Variants in PNPO observed in about 807,000 individuals in gnomAD.
PNPO encodes the protein pyridoxine-5'-phosphate oxidase.
PNPO carries 39 observed loss-of-function variants against 35.0 expected under a neutral mutation model. The observed-to-expected ratio is 1.11, with a 90% CI of 0.86 to 1.45. PNPO has a LOEUF of 1.45. Ranked by LOEUF, PNPO falls within the 40% of genes most tolerant of loss-of-function variation. The pLI, the probability that PNPO is intolerant of heterozygous loss-of-function variation, is 0.00. For synonymous variants in PNPO, 115 were observed against 119.8 expected, an observed-to-expected ratio of 0.96 and a Z score of 0.26; for missense variants, 288 against 340.0, an observed-to-expected ratio of 0.85 and a Z score of 1.20.
Position 47,941,646 on chromosome 17 carries a change from A to C in PNPO, c.-30A>C, listed in dbSNP as rs776410732. 3 of 1,515,780 alleles carry C rather than the reference A, an allele frequency of 2.0e-6. No homozygotes were observed. Among genetic ancestry groups the C allele is most frequent in the South Asian group, 1.2e-5 (1 of 82,366 alleles). The allele number at this position is 1,515,780 out of a possible 1,614,324, so 93.9% of individuals were successfully genotyped here. On this transcript the variant is annotated 5_prime_UTR_variant, in exon 1 of 7. Coordinates refer to ENST00000642017, the MANE Select transcript of PNPO (RefSeq NM_018129.4). The stretch of plus-strand genomic sequence containing the variant: ...ACTCAAAGGAACCCAGTGCCGGGCC[A>C]CAGCCGGGTCACGTGGCCGGCGGCC...
In PNPO at chr17:47,946,863, C is replaced by A. The variant is rs2036018177; in HGVS notation, c.*81C>A. Reference sequence around the variant, plus strand: ...GGGATTGGGACCCAGGCCCTTCTTTCTAAACTCAACCCATTTCCCTCCCTA... The same window carrying A: ...GGGATTGGGACCCAGGCCCTTCTTTATAAACTCAACCCATTTCCCTCCCTA... On this transcript the variant is annotated 3_prime_UTR_variant, in exon 7 of 7. Transcript: ENST00000642017. The A allele has an allele frequency of 7.5e-7, 1 of 1,331,154 alleles. No individual in the cohort carries two copies. Among genetic ancestry groups the A allele is most frequent in the East Asian group, 2.3e-5 (1 of 43,550 alleles). 82.5% of individuals were successfully genotyped at this position (1,331,154 alleles called of 1,614,324 possible).
Position 47,946,314 on chromosome 17 carries a change from C to T in PNPO, c.547-9C>T, listed in dbSNP as rs2036007995. ...CCTGGCCCTTCTTCTAACTCTTCCC[C>T]CTGGACAGTATCTGAGAAAGAAAAA... is the stretch of plus-strand genomic sequence containing the variant. On this transcript the variant is annotated splice_polypyrimidine_tract_variant and intron_variant, in intron 5 of 6. Transcript: ENST00000642017. 1 of 1,605,538 alleles carries T rather than the reference C, an allele frequency of 6.2e-7. No homozygotes were observed. The highest frequency in any genetic ancestry group is 2.2e-5 in the East Asian group (1 of 44,862).
In PNPO at chr17:47,943,302, C is replaced by G. The variant is rs766668907; in HGVS notation, c.139-4C>G. 52 of 1,611,696 alleles carry G rather than the reference C, an allele frequency of 3.2e-5. No individual in the cohort carries two copies. The highest frequency in any genetic ancestry group is 4.2e-5 in the Non-Finnish European group (50 of 1,178,142). On this transcript the variant is annotated splice_region_variant and splice_polypyrimidine_tract_variant and intron_variant, in intron 1 of 6. Transcript: ENST00000642017. ...TATTAAATGAAATAAATCTCCTTTC[C>G]TAGGCATTTGAGGAGACTCATCTGA...
chr17:47,946,522 CTT>C, intron 6 of PNPO, 90 bp from the exon 7 acceptor site: 1 of 1,478,244 alleles, frequency 6.8e-7, no homozygotes, highest in Non-Finnish European at 9.5e-7. Context: ...CAGCAACTTC[CTT>C]CAAGAGGCCC....
rs1319252963 is a variant in PNPO, at chr17:47,948,289, A to G, written c.*1507A>G. ...TTATAGAGATTATGTTTTTCAGACTACTCACGTATCTGCTTTTCTTACTCC... is the reference window on the plus strand; with the variant it reads ...TTATAGAGATTATGTTTTTCAGACTGCTCACGTATCTGCTTTTCTTACTCC... On this transcript the variant is annotated 3_prime_UTR_variant, in exon 7 of 7. Transcript: ENST00000642017. 1 of 152,056 alleles carries G rather than the reference A, an allele frequency of 6.6e-6. No homozygotes were observed. Among genetic ancestry groups the G allele is most frequent in the Non-Finnish European group, 1.5e-5 (1 of 68,016 alleles). 9.4% of individuals were successfully genotyped at this position (152,056 alleles called of 1,614,324 possible).
At chr17:47,942,158 G>T (rs931443131) in intron 1 of PNPO, 4 of 552,226 alleles carry the variant, frequency 7.2e-6, no homozygotes, top group Non-Finnish European at 9.9e-6. Flanking sequence ...GGGATGTTAT[G>T]GTCTAAGATG....
intron 1 of PNPO, among the ~76,000 whole-genome samples, chr17:47,942,328 A>T (rs746090465): frequency 8.6e-5 from 13 of 151,088 alleles, no homozygotes; most frequent in Middle Eastern, 3.4e-3. Flanking sequence ...CCTCGGAGTC[A>T]TCTACTGGGG....
In PNPO at chr17:47,948,295, G is replaced by C. The variant is rs776945316; in HGVS notation, c.*1513G>C. On this transcript the variant is annotated 3_prime_UTR_variant, in exon 7 of 7. Transcript: ENST00000642017. ...AGATTATGTTTTTCAGACTACTCAC[G>C]TATCTGCTTTTCTTACTCCCCACCT... The C allele has an allele frequency of 6.6e-6, 1 of 152,074 alleles. No individual in the cohort carries two copies. Among genetic ancestry groups the C allele is most frequent in the African/African-American group, 2.4e-5 (1 of 41,388 alleles). 9.4% of individuals were successfully genotyped at this position (152,074 alleles called of 1,614,324 possible). A position where few individuals can be genotyped will look rare whatever the true frequency, so the allele number is the denominator to read the frequency against.
chr17:47,946,593 A>G, intron 6 of PNPO, 21 bp from the exon 7 acceptor site: 1 of 1,613,776 alleles, frequency 6.2e-7, no homozygotes, highest in Non-Finnish European at 8.5e-7. Context: ...AGAGCACTGA[A>G]ACCTCTGCTT....
At chr17:47,942,945 T>A (rs572357550) in intron 1 of PNPO, among the ~76,000 whole-genome samples, 100 of 152,192 alleles carry the variant, frequency 6.6e-4, no homozygotes, top group African/African-American at 2.3e-3. Context: ...AATAAATAAA[T>A]AAAAATGCAG....
intron 1 of PNPO, 28 bp downstream of exon 1, chr17:47,941,841 C>A: frequency 6.5e-7 from 1 of 1,544,788 alleles, no homozygotes; most frequent in Non-Finnish European, 8.8e-7. Context: ...AGGCCTCCTG[C>A]AGGGGCGGGG....
At position 47,946,830 on chromosome 17, in the gene PNPO, G is replaced by T; in HGVS notation, c.*48G>T. The T allele has an allele frequency of 6.3e-7, 1 of 1,581,198 alleles. No homozygotes were observed. The highest frequency in any genetic ancestry group is 8.7e-7 in the Non-Finnish European group (1 of 1,153,140). On this transcript the variant is annotated 3_prime_UTR_variant, in exon 7 of 7. Transcript: ENST00000642017. ...GTGGAGCTAGGGCTAGGTGTCAAGA[G>T]AGGGTGTGGGATTGGGACCCAGGCC...
In PNPO at chr17:47,945,192, AG is replaced by A; in HGVS notation, c.364-366del. 1 of 388,352 alleles carries A rather than the reference AG, an allele frequency of 2.6e-6. No homozygotes were observed. The highest frequency in any genetic ancestry group is 2.2e-5 in the South Asian group (1 of 46,092). The allele number at this position is 388,352 out of a possible 1,614,324, so 24.1% of individuals were successfully genotyped here. A position where few individuals can be genotyped will look rare whatever the true frequency, so the allele number is the denominator to read the frequency against. ...CCGCACGTCTCCTGTTGTCAGACCCAGAGTGGGCACTTCGCGTGCATTCAAT... is the reference window on the plus strand; with the variant it reads ...CCGCACGTCTCCTGTTGTCAGACCCAAGTGGGCACTTCGCGTGCATTCAAT... On this transcript the variant is annotated intron_variant, in intron 3 of 6. Transcript: ENST00000642017. This position sits in a 1 kb window ranked among gnomAD's most constrained non-coding sequence, Gnocchi z 4.0.
At position 47,947,073 on chromosome 17, in the gene PNPO, C is replaced by T. The variant is rs1473254934; in HGVS notation, c.*291C>T. ...GATAGCTCCCTCTAGGGGTAGCAGC[C>T]GGTGTGACTCCCTTTCTGGTGACAG... On this transcript the variant is annotated 3_prime_UTR_variant, in exon 7 of 7. Transcript: ENST00000642017. 1.3e-5 allele frequency: 5 copies of T among 394,712 alleles called. No homozygotes were observed. The highest frequency in any genetic ancestry group is 8.2e-5 in the African/African-American group (4 of 49,000). 24.5% of individuals were successfully genotyped at this position (394,712 alleles called of 1,614,324 possible).
rs1467737440 is a variant in PNPO at position 47,947,355 on chromosome 17, CAGG to C, written c.*574_*576del. ...TCTCCTTCCCTGGATCCCTCCCTCC[CAGG>C]TCTGGGCTGTGCAGTTCCTCCCCCT... On this transcript the variant is annotated 3_prime_UTR_variant, in exon 7 of 7. Transcript: ENST00000642017. 1 of 157,612 alleles carries C rather than the reference CAGG, an allele frequency of 6.3e-6. No individual in the cohort carries two copies. Among genetic ancestry groups the C allele is most frequent in the Non-Finnish European group, 1.4e-5 (1 of 71,012 alleles). 9.8% of individuals were successfully genotyped at this position (157,612 alleles called of 1,614,324 possible).
At position 47,944,653 on chromosome 17, in the gene PNPO, G is replaced by A. The variant is rs771479988; in HGVS notation, c.301G>A (p.Gly101Ser). 1.3e-5 allele frequency: 21 copies of A among 1,614,158 alleles called. No homozygotes were observed. Among genetic ancestry groups the A allele is most frequent in the Non-Finnish European group, 1.7e-5 (20 of 1,180,018 alleles). The change falls in exon 3 of 7, where the codon GGC becomes AGC. Residue 101 changes from glycine to serine, a missense_variant. Transcript: ENST00000642017. ...CTCTGCTCGCATGTTGCTGCTGAAG[G>A]GCTTCGGGAAAGATGGCTTCCGCTT... ...KPSARMLLLK[G>S]FGKDGFRFFT... is the part of the protein sequence containing the mutation.
In PNPO at chr17:47,946,827, A is replaced by G; in HGVS notation, c.*45A>G. 1 of 1,590,436 alleles carries G rather than the reference A, an allele frequency of 6.3e-7. No individual in the cohort carries two copies. Among genetic ancestry groups the G allele is most frequent in the Non-Finnish European group, 8.6e-7 (1 of 1,160,806 alleles). On this transcript the variant is annotated 3_prime_UTR_variant, in exon 7 of 7. Coordinates refer to ENST00000642017, the MANE Select transcript of PNPO (RefSeq NM_018129.4). ...AGAGTGGAGCTAGGGCTAGGTGTCA[A>G]GAGAGGGTGTGGGATTGGGACCCAG...
rs181553384 is a variant in PNPO, at chr17:47,947,809, G to A, written c.*1027G>A. ...CCCAAAGTGCTGGGATTACAGGCATGAGCCACCACACCCAGCGAGACGGGG... is the reference window on the plus strand; with the variant it reads ...CCCAAAGTGCTGGGATTACAGGCATAAGCCACCACACCCAGCGAGACGGGG... On this transcript the variant is annotated 3_prime_UTR_variant, in exon 7 of 7. Transcript: ENST00000642017. 12 of 152,284 alleles carry A rather than the reference G, an allele frequency of 7.9e-5. No individual in the cohort carries two copies. The East Asian group carries it at 2.3e-3, about 29-fold the overall frequency. 9.4% of individuals were successfully genotyped at this position (152,284 alleles called of 1,614,324 possible). A position where few individuals can be genotyped will look rare whatever the true frequency, so the allele number is the denominator to read the frequency against.
intron 5 of PNPO, 31 bp downstream of exon 5, chr17:47,946,020 T>C (rs1344070919): frequency 6.2e-7 from 1 of 1,611,970 alleles, no homozygotes; most frequent in East Asian, 2.2e-5. Context: ...GTCCTCCAGG[T>C]GGTGGAGGCT....
Sources: allele counts gnomAD v4.1 joint callset (sites outside exome capture counted in the v4.1 genomes callset), GRCh38; gene constraint gnomAD v4.1.1; non-coding constraint Gnocchi (gnomAD v3.1); transcripts MANE v1.5; gene names NCBI Gene and HGNC (gene_info 2026-07-23, HGNC 2026-07-21).